PKIB: variants seen among roughly 807,000 people sequenced by gnomAD.
The protein encoded by PKIB is cAMP-dependent protein kinase inhibitor beta.
A neutral mutation model predicts 4.5 loss-of-function variants in PKIB; 2 were observed. That is an observed-to-expected ratio of 0.44 (90% confidence interval 0.18 to 1.39). The LOEUF (loss-of-function observed/expected upper bound fraction) is 1.39. Among genes scored for constraint, PKIB ranks in the 40% most tolerant of loss-of-function variants. The probability of loss-of-function intolerance (pLI) is 0.27; values close to 1 mark genes in which losing one functional copy is unlikely to be tolerated. For missense variants in PKIB, 94 were observed against 92.6 expected (o/e 1.02, Z -0.06); for synonymous variants, 38 against 36.0 (o/e 1.06, Z -0.20).
intron 2 of PKIB, among the ~76,000 whole-genome samples, chr6:122,489,470 ACT>A (rs1440171891): frequency 3.3e-5 from 5 of 151,774 alleles, no homozygotes; most frequent in Admixed American, 3.3e-4. Flanking sequence ...CTGGTCTTGA[ACT>A]CCTCACCTCA....
chr6:122,475,167 G>T (rs1775421702), intron 1 of PKIB, among the ~76,000 whole-genome samples: 1 of 152,170 alleles, frequency 6.6e-6, no homozygotes, highest in South Asian at 2.1e-4. Flanking sequence ...CTGGAGTGCA[G>T]TGGCCTGATC....
At chr6:122,702,918 A>G (rs1778886255) in intron 3 of PKIB, among the ~76,000 whole-genome samples, 1 of 152,208 alleles carries the variant, frequency 6.6e-6, no homozygotes, top group Non-Finnish European at 1.5e-5. Context: ...TTTATATGCC[A>G]TAACATGAAG....
intron 3 of PKIB, among the ~76,000 whole-genome samples, chr6:122,591,091 C>T (rs1014179710): frequency 2.6e-5 from 4 of 151,666 alleles, no homozygotes; most frequent in Non-Finnish European, 4.4e-5. Context: ...AGTTTATCCA[C>T]CTATTAAAGT....
intron 2 of PKIB, among the ~76,000 whole-genome samples, chr6:122,560,393 C>A (rs1462128959): frequency 6.6e-6 from 1 of 152,074 alleles, no homozygotes; most frequent in African/African-American, 2.4e-5. Context: ...TGGCATGAAA[C>A]CCACTTGATC....
At chr6:122,700,650 TCG>T (rs1441307068) in intron 3 of PKIB, among the ~76,000 whole-genome samples, 1 of 152,200 alleles carries the variant, frequency 6.6e-6, no homozygotes, top group Non-Finnish European at 1.5e-5. Context: ...ACCGTTTCTG[TCG>T]TGTGGACTTT....
intron 3 of PKIB, among the ~76,000 whole-genome samples, chr6:122,703,922 GTA>G (rs151131565): frequency 0.12 from 16,108 of 133,140 alleles, 1,172 homozygotes; most frequent in Non-Finnish European, 0.16. Context: ...ATATATGTGT[GTA>G]TATATATATA....
intron 2 of PKIB, among the ~76,000 whole-genome samples, chr6:122,572,295 A>G (rs957408671): frequency 6.6e-6 from 1 of 152,088 alleles, no homozygotes; most frequent in Non-Finnish European, 1.5e-5. Context: ...AGATTTATAA[A>G]ACAATTACTG....
At chr6:122,576,710 A>ATATATATATATATATATTTTTT (rs59569106) in intron 2 of PKIB, among the ~76,000 whole-genome samples, 6 of 109,986 alleles carry the variant, frequency 5.5e-5, no homozygotes, top group African/African-American at 2.4e-4. Context: ...ATATATATAT[A>ATATATATATATATATATTTTTT]TTTTCTTTTG....
chr6:122,486,073 AC>A lies in PKIB; in HGVS notation c.-248+8140del, dbSNP rs527731324. 4.0e-3 allele frequency among the ~76,000 whole-genome samples: 613 copies of A among 152,150 alleles called. 1 individual carries two copies. The highest frequency in any genetic ancestry group is 0.014 in the African/African-American group (576 of 41,514). ...AATATACCCATGTAACCTCCACATT[AC>A]CCCCCTGACTCTAAAATAAAAATAA... On this transcript the variant is annotated intron_variant, in intron 2 of 6. Coordinates refer to the PKIB transcript ENST00000392491.
intron 2 of PKIB, among the ~76,000 whole-genome samples, chr6:122,552,474 TC>T (rs1772706130): frequency 6.6e-6 from 1 of 152,144 alleles, no homozygotes; most frequent in African/African-American, 2.4e-5. Context: ...CCCCCTGGGT[TC>T]CAGTGATTCT....
At chr6:122,525,168 A>G (rs1387780125) in intron 2 of PKIB, among the ~76,000 whole-genome samples, 1 of 151,874 alleles carries the variant, frequency 6.6e-6, no homozygotes, top group African/African-American at 2.4e-5. Flanking sequence ...CTCTGTTACA[A>G]GGTATTATAT....
chr6:122,694,043 T>G (rs993254520), intron 3 of PKIB, among the ~76,000 whole-genome samples: 4 of 152,234 alleles, frequency 2.6e-5, no homozygotes, highest in African/African-American at 9.6e-5. Context: ...TATGCATTTC[T>G]ACACTTTGTT....
rs1310748943 is a variant in PKIB, at chr6:122,539,106, A to G, written c.-247-46815A>G. Reference sequence around the variant, plus strand: ...GCTGAGACAATGGGGTTTTCTAGATATACAATCAATTCATCTGCAAACAGG... The same window carrying G: ...GCTGAGACAATGGGGTTTTCTAGATGTACAATCAATTCATCTGCAAACAGG... On this transcript the variant is annotated intron_variant, in intron 2 of 6. Coordinates refer to the PKIB transcript ENST00000392491. 3.3e-5 allele frequency among the ~76,000 whole-genome samples: 5 copies of G among 152,134 alleles called. 1 individual carries two copies. The highest frequency in any genetic ancestry group is 9.7e-5 in the African/African-American group (4 of 41,374).
At chr6:122,712,120 T>C (rs1017538372) in intron 3 of PKIB, among the ~76,000 whole-genome samples, 1 of 152,336 alleles carries the variant, frequency 6.6e-6, no homozygotes, top group Non-Finnish European at 1.5e-5. Flanking sequence ...GAATAGGAGA[T>C]ATGTAAAGCA....
intron 2 of PKIB, among the ~76,000 whole-genome samples, chr6:122,665,899 TAAAGA>T (rs1470365581): frequency 2.0e-5 from 3 of 152,232 alleles, no homozygotes; most frequent in Non-Finnish European, 4.4e-5. Context: ...TCCTTCGGTA[TAAAGA>T]ATAGTCATAA....
chr6:122,613,878 G>C (rs1035559597), intron 1 of PKIB, among the ~76,000 whole-genome samples: 2 of 145,340 alleles, frequency 1.4e-5, no homozygotes, highest in Non-Finnish European at 3.0e-5. Flanking sequence ...TAGGAGTATC[G>C]CTTGAACCCA....
At chr6:122,652,556 A>G (rs575435012) in intron 2 of PKIB, among the ~76,000 whole-genome samples, 1 of 152,284 alleles carries the variant, frequency 6.6e-6, no homozygotes, top group African/African-American at 2.4e-5. Context: ...TCAACTGATT[A>G]TAGATGTTAC....
intron 3 of PKIB, among the ~76,000 whole-genome samples, chr6:122,695,122 C>A (rs4245523): frequency 0.99 from 150,547 of 152,272 alleles, 74,441 homozygotes; most frequent in Middle Eastern, 1. Flanking sequence ...AAAAATCTAA[C>A]ATTAAGCCAA....
chr6:122,539,022 C>T (rs1465762818), intron 2 of PKIB, among the ~76,000 whole-genome samples: 1 of 152,004 alleles, frequency 6.6e-6, no homozygotes, highest in Non-Finnish European at 1.5e-5. Flanking sequence ...GATTTTTGTA[C>T]ATTGATTTTG....
Sources: allele counts gnomAD v4.1 joint callset (sites outside exome capture counted in the v4.1 genomes callset), GRCh38; gene constraint gnomAD v4.1.1; transcripts MANE v1.5; gene names NCBI Gene and HGNC (gene_info 2026-07-23, HGNC 2026-07-21).